The following HYCC1 variants were observed in gnomAD, a reference collection of about 807,000 sequenced individuals.
HYCC1 encodes the protein hyccin.
the HYCC1 span, chr7:22,940,237 T>TG: frequency 2.6e-3 from 24 of 9,166 alleles, no homozygotes; most frequent in African/African-American, 8.6e-3. Context: ...ATAGGTTCTG[T>TG]TTTTTTTTTT....
the HYCC1 span, chr7:22,976,909 A>C: frequency 1.4e-6 from 1 of 738,898 alleles, no homozygotes; most frequent in Non-Finnish European, 2.4e-6. Context: ...CACGAACATC[A>C]TATATCTTAA....
the HYCC1 span, among the ~76,000 whole-genome samples, chr7:22,952,692 C>T: frequency 1.0e-3 from 157 of 151,966 alleles, no homozygotes; most frequent in African/African-American, 3.7e-3. Context: ...GTCACATTCG[C>T]GTAACACAAG....
the HYCC1 span, among the ~76,000 whole-genome samples, chr7:22,930,393 GAA>G: frequency 4.5e-4 from 46 of 101,134 alleles, no homozygotes; most frequent in African/African-American, 1.5e-3. Context: ...AAAAGAAAAA[GAA>G]AAAAAAAAAA....
chr7:22,932,291 G>A, the HYCC1 span, among the ~76,000 whole-genome samples: 1 of 152,046 alleles, frequency 6.6e-6, no homozygotes, highest in Non-Finnish European at 1.5e-5. Context: ...GTAAAGATGG[G>A]GTAAAATGAA....
chr7:22,929,764 C>A, the HYCC1 span, among the ~76,000 whole-genome samples: 1 of 152,192 alleles, frequency 6.6e-6, no homozygotes, highest in Non-Finnish European at 1.5e-5. Flanking sequence ...CTAGTTCAAC[C>A]ATTGTGGAAG....
chr7:23,013,479 G>A, the HYCC1 span, among the ~76,000 whole-genome samples: 83 of 152,350 alleles, frequency 5.4e-4, no homozygotes, highest in African/African-American at 1.9e-3. Flanking sequence ...AGAGGAGGCA[G>A]AGGCCAGAGC....
At chr7:22,983,159 T>C in the HYCC1 span, among the ~76,000 whole-genome samples, 1 of 151,784 alleles carries the variant, frequency 6.6e-6, no homozygotes, top group African/African-American at 2.4e-5. Context: ...TGAAATCCCA[T>C]CTCCACCAAA....
the HYCC1 span, among the ~76,000 whole-genome samples, chr7:22,917,833 C>A: frequency 6.6e-6 from 1 of 152,166 alleles, no homozygotes; most frequent in South Asian, 2.1e-4. Context: ...CCAATACTTT[C>A]ACCCTGATAA....
the HYCC1 span, among the ~76,000 whole-genome samples, chr7:22,912,904 G>A: frequency 1.1e-4 from 16 of 152,270 alleles, no homozygotes; most frequent in East Asian, 2.3e-3. Context: ...AAGCCAAGAC[G>A]GGTGGATCAC....
At chr7:22,933,962 A>G in the HYCC1 span, among the ~76,000 whole-genome samples, 1 of 152,178 alleles carries the variant, frequency 6.6e-6, no homozygotes, top group African/African-American at 2.4e-5. Flanking sequence ...TGGCAGGCAG[A>G]CTGCATTAAT....
At chr7:22,977,250 G>C in the HYCC1 span, 1 of 816,216 alleles carries the variant, frequency 1.2e-6, no homozygotes. Context: ...CTAATAAATT[G>C]ATCAATTTTT....
At chr7:22,913,584 C>G in the HYCC1 span, among the ~76,000 whole-genome samples, 3 of 152,194 alleles carry the variant, frequency 2.0e-5, no homozygotes, top group African/African-American at 7.2e-5. Context: ...TACCTTGTGA[C>G]ATTCCTTCTC....
At chr7:22,993,972 T>C in the HYCC1 span, among the ~76,000 whole-genome samples, 1 of 152,150 alleles carries the variant, frequency 6.6e-6, no homozygotes, top group East Asian at 1.9e-4. Context: ...ATCTGAGCAA[T>C]AGGCTTTTGT....
At chr7:22,950,708 T>A in the HYCC1 span, among the ~76,000 whole-genome samples, 2 of 151,976 alleles carry the variant, frequency 1.3e-5, no homozygotes, top group African/African-American at 4.8e-5. Context: ...ATTTTTAAAA[T>A]CTATTTTTTT....
At chr7:22,907,104 C>CAAAAAAAAAAAAAAAAAAAA in the HYCC1 span, among the ~76,000 whole-genome samples, 1 of 43,548 alleles carries the variant, frequency 2.3e-5, no homozygotes, top group African/African-American at 9.8e-5. Flanking sequence ...GACTCTATCT[C>CAAAAAAAAAAAAAAAAAAAA]AAAAAAAAAA....
At chr7:22,961,151 TA>T in the HYCC1 span, 2 of 808,214 alleles carry the variant, frequency 2.5e-6, no homozygotes, top group Non-Finnish European at 4.1e-6. Flanking sequence ...GACATATTAA[TA>T]AACTATGAAT....
chr7:22,967,217 T>C, the HYCC1 span, among the ~76,000 whole-genome samples: 4 of 152,208 alleles, frequency 2.6e-5, no homozygotes, highest in African/African-American at 9.6e-5. Context: ...GCAAATATTT[T>C]CAATGAACAA....
chr7:22,959,270 T>C, the HYCC1 span, among the ~76,000 whole-genome samples: 3 of 152,180 alleles, frequency 2.0e-5, no homozygotes. Context: ...CTAGATTCCT[T>C]AAGTGAAAAC....
chr7:22,940,256 T>TG, the HYCC1 span: 12 of 137,756 alleles, frequency 8.7e-5, no homozygotes, highest in African/African-American at 3.1e-4. Flanking sequence ...TTTTTTTTTT[T>TG]TTTTTTTTTT....
Sources: gnomAD v4.1 joint callset for allele counts (sites outside exome capture counted in the v4.1 genomes callset) on GRCh38, gnomAD v4.1.1 for gene constraint, MANE v1.5 for transcripts, NCBI Gene and HGNC (gene_info 2026-07-23, HGNC 2026-07-21) for gene names.